HMX1: variants seen among roughly 807,000 people sequenced by gnomAD.
HMX1 encodes the protein H6 family homeobox 1, also known as homeobox protein HMX1.
Under a neutral mutation model 8.9 loss-of-function variants are expected in HMX1, and 8 were observed. The ratio of observed to expected loss-of-function variants is 0.90; its 90% CI spans 0.53 to 1.63. The LOEUF (loss-of-function observed/expected upper bound fraction) is 1.63. Among genes scored for constraint, HMX1 ranks in the 40% most tolerant of loss-of-function variants. The pLI is 0.00. For synonymous variants in HMX1, 311 were observed against 283.4 expected (o/e 1.10, Z -0.98); for missense variants, 621 against 558.5 (o/e 1.11, Z -1.13).
chr4:8,863,352 G>C (rs1358118030), downstream of HMX1, among the ~76,000 whole-genome samples: 1 of 152,250 alleles, frequency 6.6e-6, no homozygotes, highest in African/African-American at 2.4e-5. Flanking sequence ...CTGACAGAAA[G>C]GGAAAGAGAA....
Position 8,871,482 on chromosome 4 carries a change from C to T in HMX1, c.133G>A (p.Glu45Lys). The T allele has an allele frequency of 1.5e-6, 2 of 1,340,654 alleles. No homozygotes were observed. The highest frequency in any genetic ancestry group is 1.6e-5 in the South Asian group (1 of 62,168). 83.0% of individuals were successfully genotyped at this position (1,340,654 alleles called of 1,614,324 possible). A position where few individuals can be genotyped will look rare whatever the true frequency, so the allele number is the denominator to read the frequency against. The change falls in exon 1 of 2, where the codon GAG becomes AAG. Residue 45 changes from glutamate to lysine, a missense_variant. By Grantham distance (56) the Glu-to-Lys change is moderately conservative (BLOSUM62 1). Coordinates refer to ENST00000400677, the MANE Select transcript of HMX1 (RefSeq NM_018942.3). The surrounding 1 kb of genome is among the most constrained non-coding windows in gnomAD (Gnocchi z 4.8). Reference sequence around the variant, plus strand: ...TCGGGGTCGTCGTCGTCCTCCTCCTCGTCCTCCCGGCTGCCGTCGCCCTGG... The same window carrying T: ...TCGGGGTCGTCGTCGTCCTCCTCCTTGTCCTCCCGGCTGCCGTCGCCCTGG... Reference protein sequence around the residue: ...ATQGDGSREDEEEDDDDPEDE... With the variant: ...ATQGDGSREDKEEDDDDPEDE...
downstream of HMX1, among the ~76,000 whole-genome samples, chr4:8,866,524 A>C (rs1275307652): frequency 6.6e-6 from 1 of 152,224 alleles, no homozygotes; most frequent in African/African-American, 2.4e-5. Flanking sequence ...AGATCCCATC[A>C]TCACCGGCCG....
chr4:8,854,161 A>G (rs1213911096), intron 1 of HMX1, among the ~76,000 whole-genome samples: 1 of 152,082 alleles, frequency 6.6e-6, no homozygotes, highest in Non-Finnish European at 1.5e-5. Flanking sequence ...GCCCTCCAGG[A>G]GCTCGCAGCC....
rs145910630 is a variant in HMX1 at position 8,852,319 on chromosome 4, G to A, written c.395-5995C>T. 8.4e-3 allele frequency among the ~76,000 whole-genome samples: 1,277 copies of A among 152,344 alleles called. 22 individuals are homozygous for A. The highest frequency in any genetic ancestry group is 0.029 in the African/African-American group (1,193 of 41,582). On this transcript the variant is annotated intron_variant, in intron 1 of 1. Transcript: ENST00000506970. ...AGCCGCCTGAAACCCAGGCCCTCAC[G>A]CCCTGCATCTGCTCCACTGCACTTT...
Position 8,867,631 on chromosome 4 carries a change from C to T in HMX1, c.*62G>A, listed in dbSNP as rs1021813328. The T allele has an allele frequency of 2.5e-6, 3 of 1,207,806 alleles. No individual in the cohort carries two copies. Among genetic ancestry groups the T allele is most frequent in the Admixed American group, 4.4e-5 (1 of 22,866 alleles). The allele number at this position is 1,207,806 out of a possible 1,614,324, so 74.8% of individuals were successfully genotyped here. A position where few individuals can be genotyped will look rare whatever the true frequency, so the allele number is the denominator to read the frequency against. On this transcript the variant is annotated 3_prime_UTR_variant, in exon 2 of 2. Coordinates refer to ENST00000400677, the MANE Select transcript of HMX1 (RefSeq NM_018942.3). ...AACGCCCCCTGAGCCCTGCGCCTGC[C>T]GCTGAATCGCGCGTCCACACAGGTC...
Position 8,852,728 on chromosome 4 carries a change from T to G in HMX1, c.395-6404A>C, listed in dbSNP as rs1006830793. Among the ~76,000 whole-genome samples the G allele has an allele frequency of 3.9e-5, 6 of 152,250 alleles. No homozygotes were observed. The South Asian group carries it at 1.2e-3, about 31-fold the overall frequency. Reference sequence around the variant, plus strand: ...TCTCTTTTGTGAATTTTCCCCTCTGTGCAGGGCTTCCAAGTTGCCTCCCAA... The same window carrying G: ...TCTCTTTTGTGAATTTTCCCCTCTGGGCAGGGCTTCCAAGTTGCCTCCCAA... On this transcript the variant is annotated intron_variant, in intron 1 of 1. Coordinates refer to the HMX1 transcript ENST00000506970.
At position 8,870,346 on chromosome 4, in the gene HMX1, G is replaced by A. The variant is rs767353063; in HGVS notation, c.394+875C>T. On this transcript the variant is annotated intron_variant, in intron 1 of 1. Coordinates refer to ENST00000400677, the MANE Select transcript of HMX1 (RefSeq NM_018942.3). The surrounding 1 kb of genome is among the most constrained non-coding windows in gnomAD (Gnocchi z 4.4). ...CAGCGACCCTGGAACCCTGGGGAGG[G>A]GAAGCAGAACTAAGGGGTCAGATAC... Among the ~76,000 whole-genome samples, 83 of 152,048 alleles carry A rather than the reference G, an allele frequency of 5.5e-4. No homozygotes were observed. Among genetic ancestry groups the A allele is most frequent in the Non-Finnish European group, 1.1e-3 (72 of 68,002 alleles).
chr4:8,860,274 C>T (rs926749704), intron 1 of HMX1, among the ~76,000 whole-genome samples: 1 of 152,184 alleles, frequency 6.6e-6, no homozygotes, highest in Non-Finnish European at 1.5e-5. Flanking sequence ...TGCAGGAGTC[C>T]GGGCACAGGC....
intron 1 of HMX1, among the ~76,000 whole-genome samples, chr4:8,859,696 C>T (rs1470731604): frequency 6.6e-6 from 1 of 152,238 alleles, no homozygotes; most frequent in African/African-American, 2.4e-5. Context: ...GCCTTCTCTA[C>T]ACACGTGCGT....
intron 1 of HMX1, among the ~76,000 whole-genome samples, chr4:8,850,786 C>T (rs993600906): frequency 1.3e-5 from 2 of 152,236 alleles, no homozygotes; most frequent in African/African-American, 2.4e-5. Flanking sequence ...ACTCGGTCTT[C>T]GCTCCTGGTC....
In HMX1 at chr4:8,867,510, T is replaced by G; in HGVS notation, c.*183A>C. On this transcript the variant is annotated 3_prime_UTR_variant, in exon 2 of 2. Transcript: ENST00000400677. ...CAAATGGGTGGGGCGTCCCATTACA[T>G]TCTAGAGGCGCTCCCCACAGAAGCT... is the stretch of plus-strand genomic sequence containing the variant. The G allele has an allele frequency of 8.6e-6, 10 of 1,164,262 alleles. No homozygotes were observed. Among genetic ancestry groups the G allele is most frequent in the Non-Finnish European group, 7.4e-6 (7 of 945,618 alleles). The allele number at this position is 1,164,262 out of a possible 1,614,324, so 72.1% of individuals were successfully genotyped here.
At chr4:8,846,141 C>A (rs562712085) in exon 2 of HMX1, 7 of 838,810 alleles carry the variant, frequency 8.3e-6, no homozygotes, top group Non-Finnish European at 1.3e-5. Context: ...CACTGCTCCA[C>A]GCGGTCACTC....
In HMX1 at chr4:8,868,340, C is replaced by T. The variant is rs1245451127; in HGVS notation, c.400G>A (p.Asp134Asn). 2.2e-6 allele frequency: 3 copies of T among 1,384,424 alleles called. No individual in the cohort carries two copies. Among genetic ancestry groups the T allele is most frequent in the Non-Finnish European group, 2.8e-6 (3 of 1,078,596 alleles). The allele number at this position is 1,384,424 out of a possible 1,614,324, so 85.8% of individuals were successfully genotyped here. A position where few individuals can be genotyped will look rare whatever the true frequency, so the allele number is the denominator to read the frequency against. ...TCGCCCGTCTCCGGTGAGTCCCGGT[C>T]GCTGGCTGCAGGGGAGAGAGGGCAC... ...YGGGLSPDTS[D>N]RDSPETGEEM... Residue 134 changes from aspartate to asparagine, a missense_variant, in exon 2 of 2, where the codon GAC becomes AAC. Physicochemically the swap from Asp to Asn is conservative, Grantham distance 23. Coordinates refer to ENST00000400677, the MANE Select transcript of HMX1 (RefSeq NM_018942.3). The surrounding 1 kb of genome is among the most constrained non-coding windows in gnomAD (Gnocchi z 4.6).
intron 1 of HMX1, among the ~76,000 whole-genome samples, chr4:8,857,032 C>T (rs1254410963): frequency 1.3e-5 from 2 of 152,138 alleles, no homozygotes; most frequent in Admixed American, 1.3e-4. Flanking sequence ...TGCAGTGAGC[C>T]CTGATCGCGA....
chr4:8,870,108 C>T lies in HMX1; in HGVS notation c.394+1113G>A, dbSNP rs1255788651. ...CTAACAAGTGAGTGAGGGTCGTAGG[C>T]CACTTACTCCCCAGCACACACTAAT... is the stretch of plus-strand genomic sequence containing the variant. On this transcript the variant is annotated intron_variant, in intron 1 of 1. Coordinates refer to ENST00000400677, the MANE Select transcript of HMX1 (RefSeq NM_018942.3). The surrounding 1 kb of genome is among the most constrained non-coding windows in gnomAD (Gnocchi z 4.4). Among the ~76,000 whole-genome samples the T allele has an allele frequency of 2.0e-5, 3 of 152,034 alleles. No individual in the cohort carries two copies. The highest frequency in any genetic ancestry group is 7.3e-5 in the African/African-American group (3 of 41,370).
chr4:8,856,108 G>A (rs1416451506), intron 1 of HMX1, among the ~76,000 whole-genome samples: 2 of 152,224 alleles, frequency 1.3e-5, no homozygotes. Flanking sequence ...GGAAGCCGCT[G>A]TGAGCGCTGG....
In HMX1 at chr4:8,868,005, C is replaced by T. The variant is rs775869801; in HGVS notation, c.735G>A (p.Thr245=). The T allele has an allele frequency of 1.6e-5, 25 of 1,543,312 alleles. No individual in the cohort carries two copies. Among genetic ancestry groups the T allele is most frequent in the Non-Finnish European group, 2.1e-5 (24 of 1,145,104 alleles). ...GLAASLQLTE[T]QVKIWFQNRR... ...GGTTCTGGAACCAGATCTTAACCTGCGTCTCGGTGAGCTGCAGGGAGGCGG... is the reference window on the plus strand; with the variant it reads ...GGTTCTGGAACCAGATCTTAACCTGTGTCTCGGTGAGCTGCAGGGAGGCGG... The change falls in exon 2 of 2, where the codon ACG becomes ACA. Residue 245 remains threonine, a synonymous_variant. Coordinates refer to ENST00000400677, the MANE Select transcript of HMX1 (RefSeq NM_018942.3). The surrounding 1 kb of genome is among the most constrained non-coding windows in gnomAD (Gnocchi z 4.6).
rs558587373 is a variant in HMX1 at position 8,867,457 on chromosome 4, C to T, written c.*236G>A. 1.1e-5 allele frequency: 13 copies of T among 1,136,654 alleles called. No individual in the cohort carries two copies. The highest frequency in any genetic ancestry group is 1.4e-5 in the Non-Finnish European group (13 of 928,024). The allele number at this position is 1,136,654 out of a possible 1,614,324, so 70.4% of individuals were successfully genotyped here. A position where few individuals can be genotyped will look rare whatever the true frequency, so the allele number is the denominator to read the frequency against. ...GCGCAGCCCAGAGTCTCTGCATGGC[C>T]CCCTGTTCGAGTGGGGATCCAGCCT... is the stretch of plus-strand genomic sequence containing the variant. On this transcript the variant is annotated 3_prime_UTR_variant, in exon 2 of 2. Transcript: ENST00000400677.
chr4:8,852,263 C>T (rs573974430), intron 1 of HMX1, among the ~76,000 whole-genome samples: 106 of 152,344 alleles, frequency 7.0e-4, no homozygotes, highest in Non-Finnish European at 1.2e-3. Flanking sequence ...ATCCAGTGAA[C>T]GCGGCTGCAG....
Sources: gnomAD v4.1 joint callset for allele counts (sites outside exome capture counted in the v4.1 genomes callset) on GRCh38, gnomAD v4.1.1 for gene constraint, Gnocchi (gnomAD v3.1) non-coding constraint, MANE v1.5 for transcripts, NCBI Gene and HGNC (gene_info 2026-07-23, HGNC 2026-07-21) for gene names.